EGFLAM: variants seen among roughly 807,000 people sequenced by gnomAD.
EGFLAM encodes pikachurin.
A neutral mutation model predicts 113.1 loss-of-function variants in EGFLAM; 79 were observed. The observed-to-expected ratio is 0.70, with a 90% CI of 0.58 to 0.84. The LOEUF (loss-of-function observed/expected upper bound fraction) is 0.84, where lower values mean the gene tolerates loss of function less well. Among genes scored for constraint, EGFLAM ranks in the 40% least tolerant of loss-of-function variants. The pLI is 0.00. For missense variants in EGFLAM, 1,265 were observed against 1,291.6 expected (o/e 0.98, Z 0.32); for synonymous variants, 504 against 487.6 (o/e 1.03, Z -0.44).
Position 38,462,970 on chromosome 5 carries a change from G to C in EGFLAM, c.2834G>C (p.Gly945Ala). The C allele has an allele frequency of 6.2e-7, 1 of 1,614,144 alleles. No homozygotes were observed. Among genetic ancestry groups the C allele is most frequent in the Non-Finnish European group, 8.5e-7 (1 of 1,180,008 alleles). Residue 945 changes from glycine (G) to alanine (A), a missense_variant, in exon 21 of 22, where the codon GGC (glycine) becomes GCC (alanine). Transcript: ENST00000322350. ...DYGARTGKSP[G>A]MMRQLNINGA... ...GGAGCCAGAACAGGCAAATCCCCAG[G>C]CATGATGCGGCAGCTTAACATCAAT...
intron 6 of EGFLAM, among the ~76,000 whole-genome samples, chr5:38,400,206 A>G (rs3763058): frequency 0.013 from 1,952 of 152,334 alleles, 60 homozygotes; most frequent in East Asian, 0.091. Flanking sequence ...ATTTCCAACT[A>G]CATCATGTTG....
At chr5:38,331,317 A>G (rs1019862612) in intron 1 of EGFLAM, among the ~76,000 whole-genome samples, 1 of 152,186 alleles carries the variant, frequency 6.6e-6, no homozygotes, top group Non-Finnish European at 1.5e-5. Context: ...ATGGGTTTAA[A>G]CAAATGTATG....
chr5:38,403,782 G>A (rs1579877251), intron 6 of EGFLAM: 5 of 1,606,630 alleles, frequency 3.1e-6, no homozygotes, highest in Admixed American at 1.7e-5. Flanking sequence ...ACTGCTTGCT[G>A]TACAAAGATA....
At chr5:38,401,712 G>C (rs1051742685) in intron 6 of EGFLAM, 2 of 152,204 alleles carry the variant, frequency 1.3e-5, no homozygotes, top group Non-Finnish European at 2.9e-5. Flanking sequence ...TGGAGGAAGG[G>C]AAAGGATATG....
chr5:38,401,676 G>A (rs1397842595), intron 6 of EGFLAM: 2 of 152,178 alleles, frequency 1.3e-5, no homozygotes, highest in East Asian at 1.9e-4. Flanking sequence ...GTTGACCTTT[G>A]TTGAGTACAT....
At chr5:38,409,476 T>C (rs568630625) in intron 10 of EGFLAM, among the ~76,000 whole-genome samples, 1 of 152,156 alleles carries the variant, frequency 6.6e-6, no homozygotes, top group African/African-American at 2.4e-5. Context: ...CTGTTGAATG[T>C]ACCTGGCACT....
At chr5:38,446,011 C>T (rs1561098634) in intron 17 of EGFLAM, among the ~76,000 whole-genome samples, 1 of 152,146 alleles carries the variant, frequency 6.6e-6, no homozygotes, top group South Asian at 2.1e-4. Context: ...CCGCCACGGG[C>T]CAACAACAGC....
intron 1 of EGFLAM, among the ~76,000 whole-genome samples, chr5:38,264,230 C>T (rs1431011369): frequency 1.3e-5 from 2 of 152,116 alleles, no homozygotes; most frequent in East Asian, 3.9e-4. Flanking sequence ...TCCAGTTTGC[C>T]TGAGGTCCCA....
intron 6 of EGFLAM, among the ~76,000 whole-genome samples, chr5:38,401,584 G>A (rs914146762): frequency 1.3e-5 from 2 of 152,142 alleles, no homozygotes; most frequent in African/African-American, 4.8e-5. Flanking sequence ...TTTGGATTGG[G>A]AGGCAGAGTC....
chr5:38,317,449 T>C (rs1251196329), intron 1 of EGFLAM, among the ~76,000 whole-genome samples: 1 of 152,078 alleles, frequency 6.6e-6, no homozygotes, highest in African/African-American at 2.4e-5. Context: ...TTTTCTGTTT[T>C]CCAAATTGTG....
At chr5:38,408,443 T>C (rs1200134341) in intron 9 of EGFLAM, among the ~76,000 whole-genome samples, 1 of 152,174 alleles carries the variant, frequency 6.6e-6, no homozygotes, top group Non-Finnish European at 1.5e-5. Context: ...TCTCCAATGA[T>C]ACAAAAAGGT....
At chr5:38,289,917 C>T (rs1758270688) in intron 1 of EGFLAM, among the ~76,000 whole-genome samples, 1 of 152,212 alleles carries the variant, frequency 6.6e-6, no homozygotes, top group Non-Finnish European at 1.5e-5. Flanking sequence ...GGATCTCTAA[C>T]ATTTAATGAA....
At chr5:38,380,579 C>T (rs1474777500) in intron 6 of EGFLAM, among the ~76,000 whole-genome samples, 1 of 152,150 alleles carries the variant, frequency 6.6e-6, no homozygotes, top group Non-Finnish European at 1.5e-5. Context: ...ACAGTAGGAG[C>T]GATAAATAAT....
intron 19 of EGFLAM, among the ~76,000 whole-genome samples, chr5:38,457,824 A>G (rs1372776078): frequency 6.6e-6 from 1 of 152,140 alleles, no homozygotes; most frequent in African/African-American, 2.4e-5. Flanking sequence ...ACATTATGCT[A>G]AGTGAAGTAA....
At chr5:38,459,999 A>G (rs1455667147) in intron 20 of EGFLAM, among the ~76,000 whole-genome samples, 5 of 152,246 alleles carry the variant, frequency 3.3e-5, no homozygotes, top group Non-Finnish European at 1.5e-5. Context: ...CTAGACTACA[A>G]GTTAAAAATT....
intron 12 of EGFLAM, among the ~76,000 whole-genome samples, chr5:38,422,430 A>T (rs1741859062): frequency 6.6e-6 from 1 of 152,148 alleles, no homozygotes; most frequent in Admixed American, 6.5e-5. Context: ...TCTTCTCAGT[A>T]GCCCAGGGAT....
chr5:38,427,021 C>T lies in EGFLAM; in HGVS notation c.1823C>T (p.Thr608Ile). 1 of 1,613,962 alleles carries T rather than the reference C, an allele frequency of 6.2e-7. No individual in the cohort carries two copies. The highest frequency in any genetic ancestry group is 8.5e-7 in the Non-Finnish European group (1 of 1,179,984). The change falls in exon 14 of 22, where the codon ACC (threonine) becomes ATC (isoleucine). Residue 608 changes from threonine (T) to isoleucine (I), a missense_variant. Coordinates refer to ENST00000322350, the MANE Select transcript of EGFLAM (RefSeq NM_152403.4). Reference protein sequence around the residue: ...GRHCEDAFTLTIPQFRESLRS... With the variant: ...GRHCEDAFTLIIPQFRESLRS... ...CTTGTTTTTTCAGCTTTCACCTTGACCATTCCTCAGTTCAGAGAGTCTCTG... is the reference window on the plus strand; with the variant it reads ...CTTGTTTTTTCAGCTTTCACCTTGATCATTCCTCAGTTCAGAGAGTCTCTG...
intron 5 of EGFLAM, among the ~76,000 whole-genome samples, chr5:38,365,387 T>C (rs1740033156): frequency 6.6e-6 from 1 of 152,248 alleles, no homozygotes; most frequent in Non-Finnish European, 1.5e-5. Context: ...ACAGCTCTGA[T>C]ATGTGATGAA....
At chr5:38,338,943 C>A (rs1739263836) in intron 3 of EGFLAM, among the ~76,000 whole-genome samples, 162 bp downstream of exon 3, 1 of 152,214 alleles carries the variant, frequency 6.6e-6, no homozygotes, top group African/African-American at 2.4e-5. Context: ...TTCCTCTGAA[C>A]CATGCCATCT....
Sources: gnomAD v4.1 joint callset for allele counts (sites outside exome capture counted in the v4.1 genomes callset) on GRCh38, gnomAD v4.1.1 for gene constraint, MANE v1.5 for transcripts, NCBI Gene and HGNC (gene_info 2026-07-23, HGNC 2026-07-21) for gene names.